Variants in STK31 observed in about 807,000 individuals in gnomAD.
The protein encoded by STK31 is serine/threonine-protein kinase 31.
A neutral mutation model predicts 129.7 loss-of-function variants in STK31; 89 were observed. The ratio of observed to expected loss-of-function variants is 0.69; its 90% CI spans 0.58 to 0.82. STK31 has a LOEUF of 0.82. Ranked by LOEUF, STK31 falls within the 40% of genes least tolerant of loss-of-function variation. STK31 has a pLI of 0.00. For synonymous variants in STK31, 448 were observed against 395.3 expected (o/e 1.13, Z -1.58); for missense variants, 1,187 against 1,176.4 (o/e 1.01, Z -0.13).
At chr7:23,805,847 T>C (rs990380428) in intron 22 of STK31, among the ~76,000 whole-genome samples, 1 of 152,204 alleles carries the variant, frequency 6.6e-6, no homozygotes, top group Non-Finnish European at 1.5e-5. Context: ...CATCCTCCCT[T>C]GGTGAGAGCA....
rs749152527 is a variant in STK31 at position 23,735,637 on chromosome 7, G to C, written c.583G>C (p.Gly195Arg). The stretch of plus-strand genomic sequence containing the variant: ...AACAGTTATTGCTCAGGCTGAGTAT[G>C]GCAGTGTGGATATAGGGGAAGAGGT... ...DGTVIAQAEY[G>R]SVDIGEEVLK... The change falls in exon 7 of 24, where the codon GGC becomes CGC. Residue 195 changes from glycine (G) to arginine (R), a missense_variant. By Grantham distance (125) the Gly-to-Arg change is moderately radical (BLOSUM62 -2). This residue lies in a region of STK31 where 103 missense variants were observed against 110.4 expected (regional missense o/e 0.93). Transcript: ENST00000355870. The C allele has an allele frequency of 1.9e-6, 3 of 1,614,118 alleles. No individual in the cohort carries two copies. In the Admixed American group the frequency reaches 5.0e-5, roughly 27 times the overall value.
At chr7:23,736,383 T>C (rs912592942) in intron 7 of STK31, among the ~76,000 whole-genome samples, 5 of 152,146 alleles carry the variant, frequency 3.3e-5, no homozygotes, top group Admixed American at 3.3e-4. Flanking sequence ...TTTTAAATTA[T>C]CAACTTGAAG....
rs1217933908 is a variant in STK31 at position 23,781,409 on chromosome 7, C to T, written c.1966-10C>T. On this transcript the variant is annotated splice_polypyrimidine_tract_variant and intron_variant, in intron 15 of 23. Transcript: ENST00000355870. ...TGTTAATAAAAAACACTTTTTCTTT[C>T]TGATTCAAGTCAGATGATCCTGATG... 3 of 1,588,920 alleles carry T rather than the reference C, an allele frequency of 1.9e-6. No individual in the cohort carries two copies. The highest frequency in any genetic ancestry group is 1.9e-5 in the Admixed American group (1 of 53,940).
At chr7:23,751,493 C>T (rs1352615772) in intron 8 of STK31, among the ~76,000 whole-genome samples, 1 of 152,114 alleles carries the variant, frequency 6.6e-6, no homozygotes, top group East Asian at 1.9e-4. Context: ...TATGGTCTGC[C>T]TGGAAATGTT....
intron 3 of STK31, among the ~76,000 whole-genome samples, chr7:23,715,602 C>G (rs116909631): frequency 4.4e-4 from 63 of 143,592 alleles, no homozygotes; most frequent in Non-Finnish European, 8.9e-4. Context: ...AAACAAAGAG[C>G]TCCTATTTGT....
Position 23,735,675 on chromosome 7 carries a change from A to G in STK31, c.621A>G (p.Gly207=). 1.2e-6 allele frequency: 2 copies of G among 1,614,074 alleles called. No homozygotes were observed. Among genetic ancestry groups the G allele is most frequent in the Non-Finnish European group, 1.7e-6 (2 of 1,180,040 alleles). The change falls in exon 7 of 24, where the codon GGA becomes GGG. Residue 207 remains glycine (G), a synonymous_variant. Transcript: ENST00000355870. ...VDIGEEVLKK[G]FAEKCRLASR... is the part of the protein sequence containing the mutation. ...TAGGGGAAGAGGTGCTTAAGAAAGG[A>G]TTTGCAGAGAAATGCAGACTTGCTT...
chr7:23,790,954 A>AT lies in STK31; in HGVS notation c.2760+15dup, dbSNP rs1249980561. On this transcript the variant is annotated intron_variant, in intron 22 of 23. Transcript: ENST00000355870. ...GGCTGCCTCTTATTATGGGTATGTT[A>AT]TTTTTTTGTTGAAATAGATCATATA... 5 of 1,540,684 alleles carry AT rather than the reference A, an allele frequency of 3.2e-6. No homozygotes were observed. The highest frequency in any genetic ancestry group is 2.6e-5 in the South Asian group (2 of 76,496).
intron 13 of STK31, among the ~76,000 whole-genome samples, chr7:23,770,339 TCTTTTTTTTA>T (rs1158115959): frequency 6.6e-6 from 1 of 152,170 alleles, no homozygotes; most frequent in Non-Finnish European, 1.5e-5. Context: ...ACTTGTTTTT[TCTTTTTTTTA>T]CTTTTTATAA....
intron 4 of STK31, among the ~76,000 whole-genome samples, chr7:23,724,577 T>A (rs924495436): frequency 2.0e-5 from 3 of 152,222 alleles, no homozygotes; most frequent in African/African-American, 7.2e-5. Flanking sequence ...TCGCTTACCT[T>A]ATACCAAATT....
intron 22 of STK31, among the ~76,000 whole-genome samples, 177 bp downstream of exon 22, chr7:23,791,123 G>T (rs1486165669): frequency 6.6e-6 from 1 of 152,048 alleles, no homozygotes; most frequent in African/African-American, 2.4e-5. Context: ...TCTACAAATT[G>T]GCTTGATGTA....
At chr7:23,810,778 TTA>T (rs1414420965) in intron 22 of STK31, among the ~76,000 whole-genome samples, 5 of 106,894 alleles carry the variant, frequency 4.7e-5, no homozygotes, top group Non-Finnish European at 9.1e-5. Flanking sequence ...TAAATATATA[TTA>T]TATATAAATA....
intron 21 of STK31, among the ~76,000 whole-genome samples, chr7:23,789,198 A>G (rs750642351): frequency 8.6e-5 from 12 of 139,628 alleles, no homozygotes; most frequent in Non-Finnish European, 1.9e-4. Flanking sequence ...TTATATATTC[A>G]TCAGTTGCTG....
At chr7:23,804,481 T>C (rs1792569918) in intron 22 of STK31, among the ~76,000 whole-genome samples, 1 of 152,230 alleles carries the variant, frequency 6.6e-6, no homozygotes, top group Non-Finnish European at 1.5e-5. Flanking sequence ...AGTTATATGC[T>C]GAAGTATTAG....
intron 10 of STK31, among the ~76,000 whole-genome samples, chr7:23,759,854 A>G (rs1562579001): frequency 1.3e-5 from 2 of 152,184 alleles, no homozygotes; most frequent in Non-Finnish European, 2.9e-5. Context: ...CCTGGAAGCT[A>G]TACCTATGGA....
chr7:23,823,120 G>A (rs1793893848), intron 23 of STK31, among the ~76,000 whole-genome samples: 1 of 152,294 alleles, frequency 6.6e-6, no homozygotes, highest in African/African-American at 2.4e-5. Context: ...CCAGTAATGG[G>A]ATGGCTGGGT....
intron 16 of STK31, among the ~76,000 whole-genome samples, chr7:23,783,035 A>G (rs962818136): frequency 2.0e-5 from 3 of 152,212 alleles, no homozygotes; most frequent in Non-Finnish European, 4.4e-5. Context: ...GCAATGAACA[A>G]TTCGCAAATT....
chr7:23,771,289 T>G (rs1199526837), intron 14 of STK31, 165 bp downstream of exon 14: 1 of 555,368 alleles, frequency 1.8e-6, no homozygotes, highest in Admixed American at 4.3e-5. Flanking sequence ...TATATCAAAT[T>G]TTTTATTGTT....
chr7:23,797,858 C>A (rs1172565082), intron 22 of STK31, among the ~76,000 whole-genome samples: 2 of 152,132 alleles, frequency 1.3e-5, no homozygotes, highest in Admixed American at 6.6e-5. Context: ...AATAGATAGA[C>A]CACTAGCCAG....
chr7:23,810,670 T>TATATATAAAATAGATATTATATATAAA (rs1793040721), intron 22 of STK31, among the ~76,000 whole-genome samples: 1 of 132,018 alleles, frequency 7.6e-6, no homozygotes, highest in Non-Finnish European at 1.6e-5. Flanking sequence ...AAATATATAA[T>TATATATAAAATAGATATTATATATAAA]ATATATAAAA....
Sources: allele counts gnomAD v4.1 joint callset (sites outside exome capture counted in the v4.1 genomes callset), GRCh38; gene constraint gnomAD v4.1.1; regional missense constraint gnomAD v4.1.1; transcripts MANE v1.5; gene names NCBI Gene and HGNC (gene_info 2026-07-23, HGNC 2026-07-21).